SEMA3A: variants seen among roughly 807,000 people sequenced by gnomAD.
SEMA3A encodes the protein semaphorin-3A.
A neutral mutation model predicts 97.9 loss-of-function variants in SEMA3A; 29 were observed. The ratio of observed to expected loss-of-function variants is 0.30; its 90% CI spans 0.22 to 0.40. The LOEUF (loss-of-function observed/expected upper bound fraction) is 0.40, where lower values mean the gene tolerates loss of function less well. SEMA3A is among the 10% of genes least tolerant of loss of function. The probability of loss-of-function intolerance (pLI) is 1.00; values close to 1 mark genes in which losing one functional copy is unlikely to be tolerated. For synonymous variants in SEMA3A, 321 were observed against 323.7 expected (o/e 0.99, Z 0.09); for missense variants, 763 against 951.3 (o/e 0.80, Z 2.60).
intron 1 of SEMA3A, among the ~76,000 whole-genome samples, chr7:84,484,829 G>A (rs1484954401): frequency 6.6e-6 from 1 of 152,016 alleles, no homozygotes; most frequent in African/African-American, 2.4e-5. Context: ...TCATCCTTAA[G>A]GATCATAATA....
At position 84,156,162 on chromosome 7, in the gene SEMA3A, A is replaced by G. The variant is rs146309930; in HGVS notation, c.113-21211T>C. Among the ~76,000 whole-genome samples the G allele has an allele frequency of 2.2e-4, 33 of 152,206 alleles. No homozygotes were observed. In the East Asian group the frequency reaches 6.2e-3, roughly 28 times the overall value. ...ATATCATCCTTTAAAATCAAAGGTT[A>G]CTGGTGTTTACGTGACACATCAGAA... On this transcript the variant is annotated intron_variant, in intron 1 of 16. Coordinates refer to ENST00000265362, the MANE Select transcript of SEMA3A (RefSeq NM_006080.3).
chr7:84,415,234 TA>T (rs1477411832), intron 1 of SEMA3A, among the ~76,000 whole-genome samples: 3 of 152,070 alleles, frequency 2.0e-5, no homozygotes, highest in Admixed American at 6.6e-5. Context: ...AAATCTGTGT[TA>T]AAAAATCTGT....
chr7:84,416,216 T>C (rs185805805), intron 1 of SEMA3A, among the ~76,000 whole-genome samples: 3 of 152,186 alleles, frequency 2.0e-5, no homozygotes, highest in Admixed American at 2.0e-4. Flanking sequence ...AGCCAGTCTT[T>C]CCAGTGCTAT....
chr7:84,303,819 T>C (rs537398037), intron 3 of SEMA3A, among the ~76,000 whole-genome samples: 1 of 152,290 alleles, frequency 6.6e-6, no homozygotes, highest in African/African-American at 2.4e-5. Context: ...TGAGCATACT[T>C]AATGTAGTTT....
At chr7:84,295,340 G>A (rs906310905) in intron 3 of SEMA3A, among the ~76,000 whole-genome samples, 2 of 151,952 alleles carry the variant, frequency 1.3e-5, no homozygotes, top group African/African-American at 4.8e-5. Context: ...AAGCCAACCA[G>A]GCTGTAGAGG....
intron 1 of SEMA3A, among the ~76,000 whole-genome samples, chr7:84,490,789 G>C (rs1039530361): frequency 5.9e-5 from 9 of 152,138 alleles, no homozygotes; most frequent in African/African-American, 2.2e-4. Flanking sequence ...ATTAATCACA[G>C]TGCTGACCTT....
intron 3 of SEMA3A, among the ~76,000 whole-genome samples, chr7:84,205,913 A>G (rs975059656): frequency 3.9e-5 from 6 of 152,236 alleles, no homozygotes; most frequent in Non-Finnish European, 8.8e-5. Flanking sequence ...GAATGTCACT[A>G]ATTATTTTAT....
chr7:84,009,831 C>G (rs2372017), intron 9 of SEMA3A, among the ~76,000 whole-genome samples: 1 of 150,366 alleles, frequency 6.7e-6, no homozygotes, highest in Non-Finnish European at 1.5e-5. Context: ...GGAAGGAGCC[C>G]GTGGAGAAAG....
At chr7:84,201,654 A>T (rs545402986) in intron 3 of SEMA3A, among the ~76,000 whole-genome samples, 3 of 152,228 alleles carry the variant, frequency 2.0e-5, no homozygotes, top group Non-Finnish European at 2.9e-5. Flanking sequence ...ATGTGTTTTT[A>T]AAAATTCCAT....
intron 1 of SEMA3A, among the ~76,000 whole-genome samples, chr7:84,436,115 A>G (rs767748214): frequency 8.5e-5 from 13 of 152,328 alleles, no homozygotes; most frequent in Non-Finnish European, 1.5e-4. Context: ...TGTTGGGATA[A>G]CTGGCTAGCT....
At chr7:84,183,114 T>C (rs1424889480) in intron 1 of SEMA3A, among the ~76,000 whole-genome samples, 1 of 152,308 alleles carries the variant, frequency 6.6e-6, no homozygotes, top group African/African-American at 2.4e-5. Context: ...CAAGCACTGG[T>C]TGGGCACTTT....
At chr7:84,172,895 C>A (rs1043498048) in intron 1 of SEMA3A, among the ~76,000 whole-genome samples, 9 of 152,134 alleles carry the variant, frequency 5.9e-5, no homozygotes, top group African/African-American at 1.9e-4. Context: ...ACATAAATTT[C>A]TTTTCCTGAC....
chr7:84,249,827 T>G (rs2115605659), intron 3 of SEMA3A, among the ~76,000 whole-genome samples: 1 of 151,792 alleles, frequency 6.6e-6, no homozygotes, highest in Non-Finnish European at 1.5e-5. Context: ...CTTATACAAT[T>G]ATTTCAGAAG....
At chr7:84,027,078 T>G (rs1054834435) in intron 6 of SEMA3A, among the ~76,000 whole-genome samples, 2 of 152,200 alleles carry the variant, frequency 1.3e-5, no homozygotes, top group African/African-American at 4.8e-5. Context: ...AATAATTTTC[T>G]TCCAAATCAA....
chr7:84,230,791 A>G (rs1181357831), intron 3 of SEMA3A, among the ~76,000 whole-genome samples: 1 of 151,798 alleles, frequency 6.6e-6, no homozygotes, highest in South Asian at 2.1e-4. Context: ...TGTTTATATT[A>G]CTCTATTACA....
At chr7:84,482,613 A>G (rs936793849) in intron 1 of SEMA3A, among the ~76,000 whole-genome samples, 2 of 152,140 alleles carry the variant, frequency 1.3e-5, no homozygotes, top group Non-Finnish European at 2.9e-5. Context: ...CTGCCTCCCT[A>G]TAGAACAGCC....
At chr7:84,108,347 GA>G (rs59340161) in intron 4 of SEMA3A, among the ~76,000 whole-genome samples, 77 of 146,456 alleles carry the variant, frequency 5.3e-4, no homozygotes, top group Middle Eastern at 7.0e-3. Context: ...TTTCTACAGG[GA>G]AAAAAAAAAA....
chr7:84,373,313 A>G (rs866036591), intron 1 of SEMA3A, among the ~76,000 whole-genome samples: 25 of 152,330 alleles, frequency 1.6e-4, no homozygotes, highest in African/African-American at 5.5e-4. Context: ...TTTTGAAATA[A>G]GCACAGAAAT....
intron 1 of SEMA3A, among the ~76,000 whole-genome samples, chr7:84,145,634 G>A (rs1179823816): frequency 1.3e-5 from 2 of 151,920 alleles, no homozygotes; most frequent in East Asian, 3.9e-4. Context: ...TTCATTCTAT[G>A]TGCTCAGCAC....
Sources: gnomAD v4.1 joint callset for allele counts (sites outside exome capture counted in the v4.1 genomes callset) on GRCh38, gnomAD v4.1.1 for gene constraint, MANE v1.5 for transcripts, NCBI Gene and HGNC (gene_info 2026-07-23, HGNC 2026-07-21) for gene names.